ACAP1: variants seen among roughly 807,000 people sequenced by gnomAD.
The protein encoded by ACAP1 is ArfGAP with coiled-coil, ankyrin repeat and PH domains 1, also known as arf-GAP with coiled-coil, ANK repeat and PH domain-containing protein 1.
A neutral mutation model predicts 98.8 loss-of-function variants in ACAP1; 45 were observed. The observed-to-expected ratio is 0.46, with a 90% CI of 0.36 to 0.58. The LOEUF (loss-of-function observed/expected upper bound fraction) is 0.58, where lower values mean the gene tolerates loss of function less well. Among genes scored for constraint, ACAP1 ranks in the 20% least tolerant of loss-of-function variants. The pLI, the probability that ACAP1 is intolerant of heterozygous loss-of-function variation, is 0.00. For synonymous variants in ACAP1, 362 were observed against 375.3 expected, an observed-to-expected ratio of 0.96 and a Z score of 0.41; for missense variants, 735 against 971.4, an observed-to-expected ratio of 0.76 and a Z score of 3.24.
chr17:7,348,133 T>A lies in ACAP1; in HGVS notation c.1420T>A (p.Cys474Ser), dbSNP rs779388395. ...SWEPELVKLM[C>S]ELGNVIINQI... ...CTGCCTGGGCCTCCTGAAGCTCATG[T>A]GTGAGCTGGGAAATGTCATCATCAA... The change falls in exon 16 of 22, where the codon TGT (cysteine) becomes AGT (serine). Residue 474 changes from cysteine (C) to serine (S), a missense_variant. Physicochemically the swap from Cys to Ser is moderately radical, Grantham distance 112 (BLOSUM62 -1). Around this residue, in one of 5 missense-constraint regions of ACAP1, gnomAD observed 81 missense variants for 132.0 expected, o/e 0.61. Coordinates refer to ENST00000158762, the MANE Select transcript of ACAP1 (RefSeq NM_014716.4). 5.6e-6 allele frequency: 9 copies of A among 1,614,048 alleles called. No homozygotes were observed. The highest frequency in any genetic ancestry group is 4.2e-6 in the Non-Finnish European group (5 of 1,179,942).
chr17:7,340,481 A>G (rs1377608784), intron 2 of ACAP1, among the ~76,000 whole-genome samples: 1 of 152,212 alleles, frequency 6.6e-6, no homozygotes, highest in Non-Finnish European at 1.5e-5. Flanking sequence ...GAGTCCTCAG[A>G]TTCACACAGT....
Position 7,351,012 on chromosome 17 carries a change from C to G in ACAP1, c.2122+13C>G, listed in dbSNP as rs369831718. 2.5e-6 allele frequency: 4 copies of G among 1,611,920 alleles called. No homozygotes were observed. Among genetic ancestry groups the G allele is most frequent in the Non-Finnish European group, 3.4e-6 (4 of 1,178,194 alleles). ...CAGGGGCAGGCAGGTAAAGAATACA[C>G]CCACCCCACCCCCCAGGCCCAACAC... On this transcript the variant is annotated intron_variant, in intron 21 of 21. Coordinates refer to ENST00000158762, the MANE Select transcript of ACAP1 (RefSeq NM_014716.4).
chr17:7,347,180 C>T lies in ACAP1; in HGVS notation c.1281C>T (p.Ala427=). 6.2e-7 allele frequency: 1 copy of T among 1,614,080 alleles called. No homozygotes were observed. The highest frequency in any genetic ancestry group is 1.1e-5 in the South Asian group (1 of 91,082). ...AGTGCTGCGACTGCCGGGAGCCAGCCCCGGAGTGGGCCAGCATCAACCTTG... is the reference window on the plus strand; with the variant it reads ...AGTGCTGCGACTGCCGGGAGCCAGCTCCGGAGTGGGCCAGCATCAACCTTG... ...NAQCCDCREP[A]PEWASINLGV... is the part of the protein sequence containing the mutation. Residue 427 remains alanine (A), a synonymous_variant, in exon 14 of 22, where the codon GCC becomes GCT. Coordinates refer to ENST00000158762, the MANE Select transcript of ACAP1 (RefSeq NM_014716.4).
In ACAP1 at chr17:7,344,516, C is replaced by T; in HGVS notation, c.745-23C>T. The T allele has an allele frequency of 6.5e-7, 1 of 1,537,908 alleles. No homozygotes were observed. The highest frequency in any genetic ancestry group is 8.8e-7 in the Non-Finnish European group (1 of 1,135,552). On this transcript the variant is annotated intron_variant, in intron 9 of 21. Transcript: ENST00000158762. This position sits in a 1 kb window ranked among gnomAD's most constrained non-coding sequence, Gnocchi z 4.9. ...TTGGTGTCTGCCCATCTCAGTTGCC[C>T]TTTGATCCTCTTGTGCCTCCAGGAG... is the stretch of plus-strand genomic sequence containing the variant.
Position 7,344,120 on chromosome 17 carries a change from G to A in ACAP1, c.741G>A (p.Gln247=). The change falls in exon 9 of 22, where the codon CAG becomes CAA. Residue 247 remains glutamine (Q), a synonymous_variant. Coordinates refer to ENST00000158762, the MANE Select transcript of ACAP1 (RefSeq NM_014716.4). This position sits in a 1 kb window ranked among gnomAD's most constrained non-coding sequence, Gnocchi z 4.9. ...DMEQRHVLLK[Q]KELGGEEPEP... is the part of the protein sequence containing the mutation. ...AGCAGAGACACGTGCTGCTGAAACA[G>A]AAGGTGAGGGGCCAGGTGCGGTGGC... The A allele has an allele frequency of 6.4e-7, 1 of 1,571,266 alleles. No homozygotes were observed. The highest frequency in any genetic ancestry group is 8.6e-7 in the Non-Finnish European group (1 of 1,157,828).
At chr17:7,336,837 C>A in intron 1 of ACAP1, 50 bp downstream of exon 1, 1 of 1,581,782 alleles carries the variant, frequency 6.3e-7, no homozygotes, top group South Asian at 1.1e-5. Flanking sequence ...TCTAACACCC[C>A]CAGCACACAC....
At chr17:7,348,882 G>A in intron 17 of ACAP1, 113 bp from the exon 18 acceptor site, 1 of 998,896 alleles carries the variant, frequency 1.0e-6, no homozygotes. Context: ...ACAGTCCCAA[G>A]CTCCCCATCA....
intron 2 of ACAP1, among the ~76,000 whole-genome samples, chr17:7,338,513 G>A (rs1006151120): frequency 5.3e-5 from 8 of 151,760 alleles, no homozygotes; most frequent in Admixed American, 3.3e-4. Flanking sequence ...TCTACCTGCC[G>A]CAGCCTCCCA....
At chr17:7,336,829 TAACACCC>T in intron 1 of ACAP1, 42 bp downstream of exon 1, 1 of 1,600,614 alleles carries the variant, frequency 6.2e-7, no homozygotes, top group Non-Finnish European at 8.6e-7. Flanking sequence ...GGGGAAAGTC[TAACACCC>T]CCAGCACACA....
intron 2 of ACAP1, among the ~76,000 whole-genome samples, chr17:7,340,303 C>G (rs1329310065): frequency 1.3e-5 from 2 of 152,148 alleles, no homozygotes; most frequent in Non-Finnish European, 2.9e-5. Flanking sequence ...GATGAATGCT[C>G]TTGAAGTTTA....
At chr17:7,339,800 A>T (rs544672520) in intron 2 of ACAP1, among the ~76,000 whole-genome samples, 7 of 152,284 alleles carry the variant, frequency 4.6e-5, no homozygotes, top group Non-Finnish European at 1.0e-4. Flanking sequence ...GGACACAAGG[A>T]ATTCCTTTAC....
chr17:7,349,205 C>T (rs1265613303), intron 18 of ACAP1, 38 bp downstream of exon 18: 1 of 1,607,870 alleles, frequency 6.2e-7, no homozygotes, highest in Admixed American at 1.7e-5. Context: ...CACCCTAGGG[C>T]TCTGACACCT....
chr17:7,348,260 C>A (rs2073366707), intron 16 of ACAP1, 39 bp downstream of exon 16: 1 of 1,610,704 alleles, frequency 6.2e-7, no homozygotes. Flanking sequence ...AATGGGGGAC[C>A]CCTGGAGCAG....
Position 7,349,085 on chromosome 17 carries a change from A to C in ACAP1, c.1769A>C (p.Asp590Ala), listed in dbSNP as rs775718094. The change falls in exon 18 of 22, where the codon GAT becomes GCT. Residue 590 changes from aspartate (D) to alanine (A), a missense_variant. By Grantham distance (126) the Asp-to-Ala change is moderately radical. Coordinates refer to ENST00000158762, the MANE Select transcript of ACAP1 (RefSeq NM_014716.4). The part of the protein sequence containing the change: ...GHPPSLPTMA[D>A]ALAHGADVNW... ...CCTCCATCTCTTCCCACCATGGCTG[A>C]TGCCCTTGCCCATGGAGCTGATGTC... 1 of 1,614,026 alleles carries C rather than the reference A, an allele frequency of 6.2e-7. No homozygotes were observed. Among genetic ancestry groups the C allele is most frequent in the South Asian group, 1.1e-5 (1 of 91,080 alleles).
rs562216721 is a variant in ACAP1, at chr17:7,336,616, G to T, written c.-119G>T. 1 of 1,047,612 alleles carries T rather than the reference G, an allele frequency of 9.5e-7. No individual in the cohort carries two copies. The highest frequency in any genetic ancestry group is 2.4e-5 in the East Asian group (1 of 41,282). 64.9% of individuals were successfully genotyped at this position (1,047,612 alleles called of 1,614,324 possible). On this transcript the variant is annotated 5_prime_UTR_variant, in exon 1 of 22. Transcript: ENST00000158762. Reference sequence around the variant, plus strand: ...GAATTGTGCCCCCAGGCCCTTCCCCGCGGAGGTCCCTCTCCTCCTTCCCCC... The same window carrying T: ...GAATTGTGCCCCCAGGCCCTTCCCCTCGGAGGTCCCTCTCCTCCTTCCCCC...
intron 17 of ACAP1, chr17:7,348,715 G>A: frequency 1.7e-6 from 1 of 584,072 alleles, no homozygotes; most frequent in Non-Finnish European, 2.9e-6. Flanking sequence ...AGAGAGAGGG[G>A]GTGGGTTTGG....
chr17:7,350,073 G>A lies in ACAP1; in HGVS notation c.1961+19G>A. On this transcript the variant is annotated intron_variant, in intron 19 of 21. Transcript: ENST00000158762. The surrounding 1 kb of genome is among the most constrained non-coding windows in gnomAD (Gnocchi z 4.6). ...ACACGGGGTAGGGATGATGGCATGGGGAGGAAGGCTGGGAGAAGTTGGGCG... is the reference window on the plus strand; with the variant it reads ...ACACGGGGTAGGGATGATGGCATGGAGAGGAAGGCTGGGAGAAGTTGGGCG... The A allele has an allele frequency of 6.2e-7, 1 of 1,613,154 alleles. No individual in the cohort carries two copies. Among genetic ancestry groups the A allele is most frequent in the Non-Finnish European group, 8.5e-7 (1 of 1,179,170 alleles).
At chr17:7,340,105 TTC>T (rs1421332433) in intron 2 of ACAP1, among the ~76,000 whole-genome samples, 3 of 151,268 alleles carry the variant, frequency 2.0e-5, no homozygotes, top group Non-Finnish European at 4.4e-5. Flanking sequence ...CTAAATAATG[TTC>T]TGTTTTGTTT....
intron 2 of ACAP1, among the ~76,000 whole-genome samples, chr17:7,339,387 G>A (rs915191665): frequency 6.6e-6 from 1 of 152,148 alleles, no homozygotes; most frequent in Non-Finnish European, 1.5e-5. Flanking sequence ...GCGGCAGGTG[G>A]ATCACGAGGT....
Sources: allele counts gnomAD v4.1 joint callset (sites outside exome capture counted in the v4.1 genomes callset), GRCh38; gene constraint gnomAD v4.1.1; regional missense constraint gnomAD v4.1.1; non-coding constraint Gnocchi (gnomAD v3.1); transcripts MANE v1.5; gene names NCBI Gene and HGNC (gene_info 2026-07-23, HGNC 2026-07-21).